The following MMRN1 variants were observed in gnomAD, a reference collection of about 807,000 sequenced individuals.
The protein encoded by MMRN1 is multimerin 1.
Under a neutral mutation model 100.7 loss-of-function variants are expected in MMRN1, and 94 were observed. The observed-to-expected ratio is 0.93, with a 90% CI of 0.79 to 1.11. MMRN1 has a LOEUF of 1.11. Ranked by LOEUF, MMRN1 falls within the 50% of genes least tolerant of loss-of-function variation. The pLI is 0.00. For synonymous variants in MMRN1, 575 were observed against 505.0 expected (o/e 1.14, Z -1.86); for missense variants, 1,606 against 1,439.1 (o/e 1.12, Z -1.88).
chr4:89,883,573 C>T (rs1453606597), intron 1 of MMRN1, among the ~76,000 whole-genome samples: 1 of 151,976 alleles, frequency 6.6e-6, no homozygotes, highest in South Asian at 2.1e-4. Flanking sequence ...GGGCTTTTGA[C>T]AATTTATTAA....
At position 89,936,653 on chromosome 4, in the gene MMRN1, T is replaced by A; in HGVS notation, c.2973T>A (p.Pro991=). The part of the protein sequence containing the change: ...NLTCCIDRSL[P]GSLANVVKSQ... ...CTTGTTGTATAGATCGATCGTTGCC[T>A]GGTAGTCTGGCAAATGTTGTCAAGT... The change falls in exon 6 of 8, where the codon CCT becomes CCA. Residue 991 remains proline (P), a synonymous_variant. Transcript: ENST00000264790. 6.2e-7 allele frequency: 1 copy of A among 1,613,536 alleles called. No homozygotes were observed. The highest frequency in any genetic ancestry group is 8.5e-7 in the Non-Finnish European group (1 of 1,179,652).
At chr4:89,886,645 T>C (rs1043709710) in intron 1 of MMRN1, among the ~76,000 whole-genome samples, 4 of 152,306 alleles carry the variant, frequency 2.6e-5, no homozygotes, top group Admixed American at 2.0e-4. Flanking sequence ...TCTCTGACTA[T>C]GATATTAGAT....
At chr4:89,911,774 C>G (rs942847851) in intron 2 of MMRN1, among the ~76,000 whole-genome samples, 170 bp from the exon 3 acceptor site, 1 of 151,082 alleles carries the variant, frequency 6.6e-6, no homozygotes, top group Admixed American at 6.6e-5. Flanking sequence ...TGAAAGAAAC[C>G]TAAGTTAGGC....
At chr4:89,890,101 G>T (rs1721017921), upstream of MMRN1, among the ~76,000 whole-genome samples, 1 of 152,036 alleles carries the variant, frequency 6.6e-6, no homozygotes, top group Non-Finnish European at 1.5e-5. Flanking sequence ...TGGCTCCTCT[G>T]TTGGCCTTCT....
At chr4:89,940,043 T>C (rs976461753) in intron 6 of MMRN1, among the ~76,000 whole-genome samples, 1 of 152,154 alleles carries the variant, frequency 6.6e-6, no homozygotes, top group Non-Finnish European at 1.5e-5. Context: ...TGATTCCTAG[T>C]AGGCCACTGA....
chr4:89,945,144 C>A (rs1367881257), intron 6 of MMRN1, among the ~76,000 whole-genome samples: 3 of 152,120 alleles, frequency 2.0e-5, no homozygotes, highest in Admixed American at 2.0e-4. Context: ...TCTTTCACTT[C>A]ATGTAACATA....
At chr4:89,904,049 A>G (rs1721478519) in intron 1 of MMRN1, among the ~76,000 whole-genome samples, 1 of 151,708 alleles carries the variant, frequency 6.6e-6, no homozygotes, top group African/African-American at 2.4e-5. Context: ...AGGTGAAAAA[A>G]GCATGTATTG....
chr4:89,915,975 G>A (rs1721899457), intron 3 of MMRN1, among the ~76,000 whole-genome samples: 1 of 151,622 alleles, frequency 6.6e-6, no homozygotes, highest in Non-Finnish European at 1.5e-5. Flanking sequence ...CAGTCCTTGT[G>A]ATAGAGAATA....
In MMRN1 at chr4:89,935,762, A is replaced by T. The variant is rs1722605420; in HGVS notation, c.2082A>T (p.Glu694Asp). Residue 694 changes from glutamate (E) to aspartate (D), a missense_variant, in exon 6 of 8, where the codon GAA becomes GAT. Coordinates refer to ENST00000264790, the MANE Select transcript of MMRN1 (RefSeq NM_007351.3). ...AVNSLNFIIK[E>D]LTKRHNLLRN... ...ATAGTCTAAATTTTATTATCAAAGA[A>T]CTTACAAAAAGACACAACTTACTTA... is the stretch of plus-strand genomic sequence containing the variant. The T allele has an allele frequency of 4.3e-6, 7 of 1,612,258 alleles. No homozygotes were observed. The highest frequency in any genetic ancestry group is 5.9e-6 in the Non-Finnish European group (7 of 1,179,402).
chr4:89,914,948 A>G (rs1354390915), intron 3 of MMRN1, among the ~76,000 whole-genome samples: 1 of 151,606 alleles, frequency 6.6e-6, no homozygotes, highest in African/African-American at 2.4e-5. Context: ...GGCTTTAATC[A>G]TCAGATCCTT....
Position 89,895,568 on chromosome 4 carries a change from A to G in MMRN1, c.597A>G (p.Lys199=). The change falls in exon 1 of 8, where the codon AAA becomes AAG. Residue 199 remains lysine, a synonymous_variant. Transcript: ENST00000264790. ...SSSSQRTDYQ[K]SNFETTRGKN... ...CCAGCCAAAGAACTGACTACCAAAA[A>G]TCAAATTTCGAAACAACTAGAGGAA... The G allele has an allele frequency of 3.1e-6, 5 of 1,613,488 alleles. No individual in the cohort carries two copies. Among genetic ancestry groups the G allele is most frequent in the Non-Finnish European group, 4.2e-6 (5 of 1,179,722 alleles).
At chr4:89,897,709 G>A (rs1002071395) in intron 1 of MMRN1, among the ~76,000 whole-genome samples, 1 of 152,000 alleles carries the variant, frequency 6.6e-6, no homozygotes, top group African/African-American at 2.4e-5. Flanking sequence ...TCAAATGTTG[G>A]GAACAATTTG....
At chr4:89,883,793 A>C (rs951789333) in intron 1 of MMRN1, among the ~76,000 whole-genome samples, 4 of 152,114 alleles carry the variant, frequency 2.6e-5, no homozygotes, top group African/African-American at 4.8e-5. Flanking sequence ...TGTTTTCCGT[A>C]TCTATCAAAT....
chr4:89,919,425 A>C (rs1364436419), intron 3 of MMRN1, among the ~76,000 whole-genome samples: 2 of 151,686 alleles, frequency 1.3e-5, no homozygotes, highest in Non-Finnish European at 3.0e-5. Flanking sequence ...TATGATGAAA[A>C]ATGAGTCTAA....
chr4:89,919,132 ACTTTT>A (rs1276617460), intron 3 of MMRN1, among the ~76,000 whole-genome samples: 3 of 151,700 alleles, frequency 2.0e-5, no homozygotes, highest in East Asian at 1.9e-4. Context: ...GTTCTGTAAT[ACTTTT>A]CTTTTCTAAA....
chr4:89,897,906 T>TC (rs1721260931), intron 1 of MMRN1, among the ~76,000 whole-genome samples: 1 of 152,170 alleles, frequency 6.6e-6, no homozygotes, highest in Non-Finnish European at 1.5e-5. Context: ...ACTAAAGGTA[T>TC]AACTTGCTGA....
chr4:89,909,217 G>A, intron 1 of MMRN1, 59 bp from the exon 2 acceptor site: 1 of 1,527,092 alleles, frequency 6.5e-7, no homozygotes, highest in Non-Finnish European at 8.9e-7. Flanking sequence ...AAATAATTTT[G>A]ATGAAAAGAA....
At chr4:89,883,999 C>G (rs1027534354) in intron 1 of MMRN1, among the ~76,000 whole-genome samples, 1 of 151,936 alleles carries the variant, frequency 6.6e-6, no homozygotes, top group Non-Finnish European at 1.5e-5. Flanking sequence ...AGATATTTTA[C>G]CATTGAATGG....
chr4:89,890,570 A>G (rs1002894654), upstream of MMRN1, among the ~76,000 whole-genome samples: 13 of 152,094 alleles, frequency 8.5e-5, no homozygotes. Flanking sequence ...GAATAGGGAG[A>G]TATGTCTATT....
Sources: allele counts gnomAD v4.1 joint callset (sites outside exome capture counted in the v4.1 genomes callset), GRCh38; gene constraint gnomAD v4.1.1; transcripts MANE v1.5; gene names NCBI Gene and HGNC (gene_info 2026-07-23, HGNC 2026-07-21).